The following RBM20 variants were observed in gnomAD, a reference collection of about 807,000 sequenced individuals.
RBM20 encodes RNA binding motif protein 20, also known as RNA-binding protein 20.
RBM20 carries 51 observed loss-of-function variants against 110.1 expected under a neutral mutation model. The observed-to-expected ratio is 0.46, with a 90% CI of 0.37 to 0.59. The LOEUF (loss-of-function observed/expected upper bound fraction) is 0.59. Ranked by LOEUF, RBM20 falls within the 20% of genes least tolerant of loss-of-function variation. The pLI is 0.00. For synonymous variants in RBM20, 589 were observed against 618.2 expected (o/e 0.95, Z 0.70); for missense variants, 1,512 against 1,574.9 (o/e 0.96, Z 0.68).
At chr10:110,806,980 C>T (rs1446032060) in intron 7 of RBM20, among the ~76,000 whole-genome samples, 1 of 152,204 alleles carries the variant, frequency 6.6e-6, no homozygotes, top group Non-Finnish European at 1.5e-5. Flanking sequence ...CAGATGGCAG[C>T]TGGCAGCTGG....
chr10:110,773,038 G>A (rs1322998), intron 1 of RBM20, among the ~76,000 whole-genome samples: 65,460 of 152,068 alleles, frequency 0.43, 14,314 homozygotes, highest in South Asian at 0.52. Flanking sequence ...CACAGGGAGT[G>A]AATAAGGGCT....
chr10:110,656,906 A>G lies in RBM20; in HGVS notation c.191+12261A>G, dbSNP rs75829221. ...GACATTTGGGTTTTTCCACCTTTTTACTATTGTGAATAGTGCTACTGTGAA... is the reference window on the plus strand; with the variant it reads ...GACATTTGGGTTTTTCCACCTTTTTGCTATTGTGAATAGTGCTACTGTGAA... On this transcript the variant is annotated intron_variant, in intron 1 of 13. Transcript: ENST00000369519. 2.7e-3 allele frequency among the ~76,000 whole-genome samples: 417 copies of G among 152,014 alleles called. 2 individuals carry two copies. Among genetic ancestry groups the G allele is most frequent in the Non-Finnish European group, 4.7e-3 (317 of 67,956 alleles).
At chr10:110,718,394 C>G (rs73356949) in intron 1 of RBM20, among the ~76,000 whole-genome samples, 1 of 152,124 alleles carries the variant, frequency 6.6e-6, no homozygotes, top group Non-Finnish European at 1.5e-5. Flanking sequence ...ACTGGACTCT[C>G]CCTTGCAAAA....
chr10:110,784,097 A>G (rs1156357129), intron 3 of RBM20, among the ~76,000 whole-genome samples: 1 of 152,226 alleles, frequency 6.6e-6, no homozygotes, highest in Non-Finnish European at 1.5e-5. Context: ...TGACTGAACA[A>G]TATTCTATTG....
intron 7 of RBM20, among the ~76,000 whole-genome samples, chr10:110,809,278 A>T (rs984788309): frequency 2.6e-5 from 4 of 151,006 alleles, no homozygotes; most frequent in African/African-American, 7.3e-5. Context: ...AAGGAAAAAA[A>T]GTCGATTAAA....
intron 1 of RBM20, among the ~76,000 whole-genome samples, chr10:110,660,030 C>T (rs1862080388): frequency 6.6e-6 from 1 of 151,850 alleles, no homozygotes; most frequent in African/African-American, 2.4e-5. Context: ...GTTGCTCAGT[C>T]TGGTCTCAAA....
At chr10:110,785,288 T>C (rs1019726557) in intron 5 of RBM20, among the ~76,000 whole-genome samples, 2 of 152,212 alleles carry the variant, frequency 1.3e-5, no homozygotes, top group African/African-American at 4.8e-5. Flanking sequence ...TTATACCTGG[T>C]ACCCTTCAAT....
chr10:110,644,703 C>T lies in RBM20; in HGVS notation c.191+58C>T, dbSNP rs1290772396. On this transcript the variant is annotated intron_variant, in intron 1 of 13. Transcript: ENST00000369519. This position sits in a 1 kb window ranked among gnomAD's most constrained non-coding sequence, Gnocchi z 4.3. ...TGCGCCTGGGGACACGCCCCGAGAGCCCCCTTTGTGGCTTCATTTCCCGTC... is the reference window on the plus strand; with the variant it reads ...TGCGCCTGGGGACACGCCCCGAGAGTCCCCTTTGTGGCTTCATTTCCCGTC... The T allele has an allele frequency of 4.6e-6, 6 of 1,294,128 alleles. No homozygotes were observed. The highest frequency in any genetic ancestry group is 5.1e-6 in the Non-Finnish European group (5 of 982,184). The allele number at this position is 1,294,128 out of a possible 1,614,324, so 80.2% of individuals were successfully genotyped here.
chr10:110,758,451 T>C lies in RBM20; in HGVS notation c.192-22350T>C, dbSNP rs866208281. Among the ~76,000 whole-genome samples the C allele has an allele frequency of 2.0e-5, 3 of 152,288 alleles. No homozygotes were observed. The South Asian group carries it at 6.2e-4, about 32-fold the overall frequency. ...AGAGAGTAAACCATATGTCCTGCTT[T>C]AGAGGAGTCCACACGCCCATACAAA... On this transcript the variant is annotated intron_variant, in intron 1 of 13. Transcript: ENST00000369519.
intron 1 of RBM20, among the ~76,000 whole-genome samples, chr10:110,744,281 C>A (rs990828171): frequency 6.6e-6 from 1 of 152,214 alleles, no homozygotes; most frequent in South Asian, 2.1e-4. Context: ...GTTTCTGTCA[C>A]CCTGATGTGA....
intron 1 of RBM20, among the ~76,000 whole-genome samples, chr10:110,779,419 G>A (rs1844308488): frequency 1.3e-5 from 2 of 152,204 alleles, no homozygotes; most frequent in South Asian, 4.1e-4. Flanking sequence ...CAAACACTTT[G>A]CCCCATGCAC....
At chr10:110,724,805 G>A (rs928600154) in intron 1 of RBM20, among the ~76,000 whole-genome samples, 8 of 152,176 alleles carry the variant, frequency 5.3e-5, no homozygotes, top group African/African-American at 1.9e-4. Context: ...GCTTTATCCG[G>A]CACCTACTGT....
chr10:110,823,761 A>G, intron 12 of RBM20, 147 bp downstream of exon 12: 1 of 851,210 alleles, frequency 1.2e-6, no homozygotes. Flanking sequence ...TCTGTCACCC[A>G]GGCTGCAGTG....
intron 12 of RBM20, among the ~76,000 whole-genome samples, chr10:110,830,216 C>A (rs1437000426): frequency 6.6e-6 from 1 of 152,212 alleles, no homozygotes; most frequent in African/African-American, 2.4e-5. Flanking sequence ...AGAACTGTGA[C>A]CTGCAAAACA....
chr10:110,717,343 C>T (rs935547786), intron 1 of RBM20, among the ~76,000 whole-genome samples: 1 of 152,130 alleles, frequency 6.6e-6, no homozygotes, highest in African/African-American at 2.4e-5. Context: ...TGCCCTCCTC[C>T]CCCTCCTCCT....
At chr10:110,726,731 C>T (rs1843564113) in intron 1 of RBM20, among the ~76,000 whole-genome samples, 1 of 152,190 alleles carries the variant, frequency 6.6e-6, no homozygotes, top group African/African-American at 2.4e-5. Flanking sequence ...GAAAGTCCTA[C>T]AGCACTTACT....
intron 1 of RBM20, among the ~76,000 whole-genome samples, chr10:110,753,349 C>G (rs1307104526): frequency 6.6e-6 from 1 of 152,186 alleles, no homozygotes; most frequent in Non-Finnish European, 1.5e-5. Context: ...CTTATTTTCT[C>G]TCATTGTTTT....
chr10:110,699,260 CT>C (rs5787867), intron 1 of RBM20, among the ~76,000 whole-genome samples: 5,823 of 123,280 alleles, frequency 0.047, 421 homozygotes, highest in African/African-American at 0.17. Flanking sequence ...AAAGTGCATT[CT>C]TTTTTTTTTT....
At chr10:110,786,963 T>C (rs971183199) in intron 5 of RBM20, among the ~76,000 whole-genome samples, 6 of 152,152 alleles carry the variant, frequency 3.9e-5, no homozygotes, top group African/African-American at 1.4e-4. Flanking sequence ...AGGCAGGACA[T>C]TCTGCAGTCT....
Sources: gnomAD v4.1 joint callset for allele counts (sites outside exome capture counted in the v4.1 genomes callset) on GRCh38, gnomAD v4.1.1 for gene constraint, Gnocchi (gnomAD v3.1) non-coding constraint, MANE v1.5 for transcripts, NCBI Gene and HGNC (gene_info 2026-07-23, HGNC 2026-07-21) for gene names.